Variants in MDGA2 observed in about 807,000 individuals in gnomAD.
MDGA2 encodes MAM domain-containing glycosylphosphatidylinositol anchor protein 2.
MDGA2 carries 40 observed loss-of-function variants against 117.8 expected under a neutral mutation model. That is an observed-to-expected ratio of 0.34 (90% CI 0.26 to 0.44). The LOEUF (loss-of-function observed/expected upper bound fraction) is 0.44, where lower values mean the gene tolerates loss of function less well. Among genes scored for constraint, MDGA2 ranks in the 20% least tolerant of loss-of-function variants. The pLI is 1.00. For missense variants in MDGA2, 1,123 were observed against 1,250.6 expected (o/e 0.90, Z 1.54); for synonymous variants, 452 against 439.0 (o/e 1.03, Z -0.37).
chr14:46,846,935 TTTATCAATGC>T (rs1395375360), intron 15 of MDGA2, among the ~76,000 whole-genome samples: 3 of 152,166 alleles, frequency 2.0e-5, no homozygotes, highest in African/African-American at 7.2e-5. Flanking sequence ...AATGTTTATT[TTTATCAATGC>T]CAAAGTTTTT....
At chr14:47,053,644 T>TAC (rs1889548931) in intron 7 of MDGA2, among the ~76,000 whole-genome samples, 1 of 39,134 alleles carries the variant, frequency 2.6e-5, no homozygotes, top group African/African-American at 1.1e-4. Context: ...TATATATATA[T>TAC]ATATATATAT....
At chr14:47,503,396 C>G (rs1369597912) in intron 1 of MDGA2, among the ~76,000 whole-genome samples, 1 of 149,682 alleles carries the variant, frequency 6.7e-6, no homozygotes, top group Non-Finnish European at 1.5e-5. Context: ...ATTCACCACT[C>G]TCTCACTACA....
At chr14:47,536,359 G>A (rs1484432030) in intron 1 of MDGA2, among the ~76,000 whole-genome samples, 2 of 152,222 alleles carry the variant, frequency 1.3e-5, no homozygotes, top group African/African-American at 4.8e-5. Context: ...GGGATTGTAT[G>A]TCCAAAGGTG....
intron 1 of MDGA2, among the ~76,000 whole-genome samples, chr14:47,674,053 T>C (rs1295588421): frequency 6.9e-6 from 1 of 145,522 alleles, no homozygotes; most frequent in East Asian, 2.1e-4. Flanking sequence ...AATCAAGGCA[T>C]GTAGGCATTC....
At chr14:47,474,353 C>T (rs1169830568) in intron 1 of MDGA2, among the ~76,000 whole-genome samples, 3 of 152,240 alleles carry the variant, frequency 2.0e-5, no homozygotes, top group African/African-American at 7.2e-5. Context: ...AATGGAAAAA[C>T]ATTCCATGTT....
intron 9 of MDGA2, among the ~76,000 whole-genome samples, chr14:46,930,890 C>A (rs1884544187): frequency 6.6e-6 from 1 of 151,994 alleles, no homozygotes; most frequent in Non-Finnish European, 1.5e-5. Flanking sequence ...GAAAGGAAAT[C>A]AATTGTACTT....
intron 5 of MDGA2, among the ~76,000 whole-genome samples, chr14:47,127,172 A>G (rs1470821034): frequency 6.6e-6 from 1 of 152,178 alleles, no homozygotes; most frequent in Non-Finnish European, 1.5e-5. Context: ...GCAAACCAAC[A>G]GTTTAAAATA....
chr14:47,368,754 G>A (rs1027106297), intron 1 of MDGA2, among the ~76,000 whole-genome samples: 1 of 150,776 alleles, frequency 6.6e-6, no homozygotes, highest in Non-Finnish European at 1.5e-5. Flanking sequence ...AGTTCAGAAT[G>A]AAAGAGTTTT....
At chr14:47,576,643 T>C (rs1018489798) in intron 1 of MDGA2, among the ~76,000 whole-genome samples, 3 of 152,164 alleles carry the variant, frequency 2.0e-5, no homozygotes, top group Non-Finnish European at 2.9e-5. Context: ...AATGTTAGTA[T>C]TGATAATAAC....
intron 2 of MDGA2, 102 bp from the exon 3 acceptor site, chr14:47,218,297 A>C (rs927612502): frequency 2.6e-5 from 25 of 960,748 alleles, no homozygotes; most frequent in Non-Finnish European, 3.5e-5. Context: ...GAGCTGCTAC[A>C]TTGCCTCTCC....
chr14:47,102,390 C>CAA (rs1474009044), intron 5 of MDGA2, among the ~76,000 whole-genome samples: 4 of 117,826 alleles, frequency 3.4e-5, no homozygotes, highest in Non-Finnish European at 7.2e-5. Context: ...CACACACACA[C>CAA]ACAAACACAC....
chr14:47,643,232 AG>A (rs1388252205), intron 1 of MDGA2, among the ~76,000 whole-genome samples: 1 of 152,114 alleles, frequency 6.6e-6, no homozygotes, highest in African/African-American at 2.4e-5. Flanking sequence ...AATTTTTAAA[AG>A]GAAAATATTT....
At chr14:47,240,314 G>C (rs1033990569) in intron 2 of MDGA2, among the ~76,000 whole-genome samples, 4 of 151,864 alleles carry the variant, frequency 2.6e-5, no homozygotes, top group African/African-American at 9.7e-5. Context: ...AAAGTGCTGG[G>C]ATCACAGGTG....
chr14:47,384,022 AG>A (rs879939817), intron 1 of MDGA2, among the ~76,000 whole-genome samples: 2,482 of 143,940 alleles, frequency 0.017, 25 homozygotes, highest in East Asian at 0.032. Flanking sequence ...GATAATAGAT[AG>A]ATTAGATAAA....
intron 2 of MDGA2, among the ~76,000 whole-genome samples, chr14:47,250,280 GAT>G (rs1887401633): frequency 6.6e-6 from 1 of 152,210 alleles, no homozygotes; most frequent in Admixed American, 6.5e-5. Flanking sequence ...CAGACCACAT[GAT>G]ACAATCCAAG....
intron 9 of MDGA2, among the ~76,000 whole-genome samples, chr14:46,929,601 G>GTGTATA (rs1398520996): frequency 1.6e-3 from 20 of 12,672 alleles, no homozygotes; most frequent in Admixed American, 7.3e-3. Flanking sequence ...GTGTGTGTGT[G>GTGTATA]TATATATATA....
rs1192273039 is a variant in MDGA2 at position 47,173,308 on chromosome 14, G to T, written c.596-29034C>A. Among the ~76,000 whole-genome samples the T allele has an allele frequency of 6.6e-5, 10 of 152,190 alleles. No homozygotes were observed. In the East Asian group the frequency reaches 1.7e-3, roughly 27 times the overall value. ...CAGGAAATACAGAGAACGCCACAAA[G>T]ATACTCCTCAAGAAGAGCAACTCCA... On this transcript the variant is annotated intron_variant, in intron 3 of 16. Transcript: ENST00000399232.
intron 1 of MDGA2, among the ~76,000 whole-genome samples, chr14:47,598,138 T>C (rs560582129): frequency 6.6e-6 from 1 of 152,286 alleles, no homozygotes; most frequent in East Asian, 1.9e-4. Context: ...TCACACCTAT[T>C]ATGAAGGTTA....
At chr14:47,058,553 CT>C (rs1485540880) in intron 7 of MDGA2, 1 of 984,602 alleles carries the variant, frequency 1.0e-6, no homozygotes, top group Non-Finnish European at 1.2e-6. Flanking sequence ...TTCATTTTCA[CT>C]GTTCAAACTA....
Sources: allele counts gnomAD v4.1 joint callset (sites outside exome capture counted in the v4.1 genomes callset), GRCh38; gene constraint gnomAD v4.1.1; transcripts MANE v1.5; gene names NCBI Gene and HGNC (gene_info 2026-07-23, HGNC 2026-07-21).